NYAP2: variants seen among roughly 807,000 people sequenced by gnomAD.
The protein encoded by NYAP2 is neuronal tyrosine-phosphorylated phosphoinositide-3-kinase adaptor 2.
Under a neutral mutation model 50.4 loss-of-function variants are expected in NYAP2, and 23 were observed. The ratio of observed to expected loss-of-function variants is 0.46; its 90% CI spans 0.33 to 0.65. The LOEUF (loss-of-function observed/expected upper bound fraction) is 0.65. NYAP2 is among the 30% of genes least tolerant of loss of function. The pLI is 0.02. For missense variants in NYAP2, 885 were observed against 861.0 expected (o/e 1.03, Z -0.35); for synonymous variants, 394 against 365.2 (o/e 1.08, Z -0.90).
chr2:225,538,070 TC>T (rs1302590340), intron 4 of NYAP2, among the ~76,000 whole-genome samples: 2 of 152,172 alleles, frequency 1.3e-5, no homozygotes, highest in Non-Finnish European at 2.9e-5. Context: ...CTCAGGCAGC[TC>T]CCCTGTGGCT....
chr2:225,620,437 A>ACG (rs1228445706), intron 5 of NYAP2, among the ~76,000 whole-genome samples: 2 of 31,216 alleles, frequency 6.4e-5, no homozygotes, highest in Non-Finnish European at 1.7e-4. Flanking sequence ...GCACGCACAC[A>ACG]CGCACGCACA....
At chr2:225,507,973 G>A (rs1393008250) in intron 3 of NYAP2, among the ~76,000 whole-genome samples, 1 of 152,142 alleles carries the variant, frequency 6.6e-6, no homozygotes, top group African/African-American at 2.4e-5. Context: ...CTGTCTACTA[G>A]CCAATAATTT....
At chr2:225,641,492 T>C (rs1693533165) in intron 6 of NYAP2, among the ~76,000 whole-genome samples, 1 of 150,836 alleles carries the variant, frequency 6.6e-6, no homozygotes, top group South Asian at 2.1e-4. Context: ...ATTTTTTTTT[T>C]TTAAGGTTAT....
At chr2:225,527,508 C>T (rs1574659537) in intron 4 of NYAP2, among the ~76,000 whole-genome samples, 2 of 152,230 alleles carry the variant, frequency 1.3e-5, no homozygotes, top group East Asian at 1.9e-4. Context: ...TTTATTTATG[C>T]TGTTATAGAA....
chr2:225,569,231 C>T (rs1692021365), intron 4 of NYAP2, among the ~76,000 whole-genome samples: 1 of 152,104 alleles, frequency 6.6e-6, no homozygotes, highest in Non-Finnish European at 1.5e-5. Context: ...AAGACAATGG[C>T]TTATGACAAA....
At chr2:225,528,996 C>T (rs1381509534) in intron 4 of NYAP2, among the ~76,000 whole-genome samples, 2 of 152,140 alleles carry the variant, frequency 1.3e-5, no homozygotes, top group South Asian at 2.1e-4. Context: ...CAACTTTCCC[C>T]GAAGTCTCTG....
chr2:225,576,326 C>T (rs898777759), intron 4 of NYAP2, among the ~76,000 whole-genome samples: 6 of 152,142 alleles, frequency 3.9e-5, no homozygotes, highest in South Asian at 2.1e-4. Flanking sequence ...ACTTTGAACC[C>T]GATCCTTTTT....
chr2:225,585,387 A>G (rs1559222479), intron 5 of NYAP2, among the ~76,000 whole-genome samples: 1 of 152,232 alleles, frequency 6.6e-6, no homozygotes, highest in Non-Finnish European at 1.5e-5. Flanking sequence ...TATATGTAAA[A>G]GAAATGATTA....
At chr2:225,456,018 A>G (rs1689732850) in intron 3 of NYAP2, among the ~76,000 whole-genome samples, 1 of 152,248 alleles carries the variant, frequency 6.6e-6, no homozygotes, top group African/African-American at 2.4e-5. Context: ...GACAATCAGC[A>G]TATTCATTCC....
intron 3 of NYAP2, among the ~76,000 whole-genome samples, chr2:225,497,821 G>C (rs1322683084): frequency 6.6e-6 from 1 of 152,140 alleles, no homozygotes; most frequent in Admixed American, 6.5e-5. Context: ...TAGACACACA[G>C]ATGATGGAAT....
rs1694983902 is a variant in NYAP2 at position 225,408,899 on chromosome 2, A to C, written c.19A>C (p.Met7Leu). The change falls in exon 3 of 7, where the codon ATG becomes CTG. Residue 7 changes from methionine to leucine, a missense_variant. Met to Leu is a conservative substitution (Grantham distance 15). Transcript: ENST00000636099. ...TCTTTACATGATATCCTCCAAGATG[A>C]TGAGTTCTAATCCTGAGGAAGACCC... is the stretch of plus-strand genomic sequence containing the variant. 1.9e-6 allele frequency: 3 copies of C among 1,608,450 alleles called. No individual in the cohort carries two copies. The South Asian group carries it at 3.3e-5, about 18-fold the overall frequency.
At chr2:225,585,307 C>CTA (rs753512591) in intron 5 of NYAP2, among the ~76,000 whole-genome samples, 4 of 152,154 alleles carry the variant, frequency 2.6e-5, no homozygotes, top group Non-Finnish European at 4.4e-5. Flanking sequence ...TCCTCCCTAC[C>CTA]TATCAGCTTC....
chr2:225,684,704 T>C, the NYAP2 span, among the ~76,000 whole-genome samples: 678 of 152,072 alleles, frequency 4.5e-3, 9 homozygotes, highest in African/African-American at 0.015. Context: ...GCACCTGCCA[T>C]CATGCCCAGA....
At chr2:225,609,960 C>T (rs1692850675) in intron 5 of NYAP2, among the ~76,000 whole-genome samples, 1 of 152,076 alleles carries the variant, frequency 6.6e-6, no homozygotes, top group Admixed American at 6.6e-5. Context: ...GTTCACCAAG[C>T]AGGTGTTACT....
intron 4 of NYAP2, among the ~76,000 whole-genome samples, chr2:225,547,642 C>T (rs1213290184): frequency 6.6e-6 from 1 of 152,208 alleles, no homozygotes; most frequent in Non-Finnish European, 1.5e-5. Flanking sequence ...TCTCCTTCTG[C>T]CAAGTCCACG....
chr2:225,591,845 A>AATTTGTAGACAAATTTGT (rs1236874416), intron 5 of NYAP2, among the ~76,000 whole-genome samples: 2 of 152,222 alleles, frequency 1.3e-5, no homozygotes, highest in Non-Finnish European at 2.9e-5. Context: ...TAATGAAAGA[A>AATTTGTAGACAAATTTGT]AGCCTAATTT....
the NYAP2 span, among the ~76,000 whole-genome samples, chr2:225,674,359 TA>T: frequency 6.6e-6 from 1 of 152,204 alleles, no homozygotes; most frequent in East Asian, 1.9e-4. Context: ...GCTGAGGGTT[TA>T]TTAGTCCCCC....
chr2:225,589,751 G>T (rs1334570006), intron 5 of NYAP2, among the ~76,000 whole-genome samples: 1 of 151,934 alleles, frequency 6.6e-6, no homozygotes, highest in Admixed American at 6.6e-5. Flanking sequence ...AGGTGAAATA[G>T]TTAAGGACTT....
At chr2:225,628,631 G>A (rs754669526) in intron 6 of NYAP2, among the ~76,000 whole-genome samples, 1 of 151,944 alleles carries the variant, frequency 6.6e-6, no homozygotes, top group South Asian at 2.1e-4. Flanking sequence ...CTCACAAATA[G>A]TGTTTTTATG....
Sources: allele counts gnomAD v4.1 joint callset (sites outside exome capture counted in the v4.1 genomes callset), GRCh38; gene constraint gnomAD v4.1.1; transcripts MANE v1.5; gene names NCBI Gene and HGNC (gene_info 2026-07-23, HGNC 2026-07-21).